Variants in SLC4A10 observed in about 807,000 individuals in gnomAD.
SLC4A10 encodes the protein solute carrier family 4 member 10, also known as sodium-driven chloride bicarbonate exchanger.
A neutral mutation model predicts 137.7 loss-of-function variants in SLC4A10; 42 were observed. That is an observed-to-expected ratio of 0.30 (90% CI 0.24 to 0.39). The LOEUF is 0.39. SLC4A10 is among the 10% of genes least tolerant of loss of function. SLC4A10 has a pLI of 1.00. For missense variants in SLC4A10, 925 were observed against 1,355.0 expected (o/e 0.68, Z 4.98); for synonymous variants, 474 against 464.1 (o/e 1.02, Z -0.27).
chr2:161,752,243 AC>A (rs1349990574), intron 1 of SLC4A10, among the ~76,000 whole-genome samples: 2 of 152,032 alleles, frequency 1.3e-5, no homozygotes, highest in East Asian at 3.9e-4. Flanking sequence ...TCCAGTAAGG[AC>A]CTATTTTACT....
At chr2:161,757,771 A>C (rs556577638) in intron 1 of SLC4A10, among the ~76,000 whole-genome samples, 1 of 152,290 alleles carries the variant, frequency 6.6e-6, no homozygotes, top group East Asian at 1.9e-4. Context: ...TGCTAACTAC[A>C]AATTAGTTTT....
intron 1 of SLC4A10, among the ~76,000 whole-genome samples, chr2:161,638,986 G>T (rs895277530): frequency 6.6e-6 from 1 of 151,746 alleles, no homozygotes; most frequent in Non-Finnish European, 1.5e-5. Context: ...GAAACACAAA[G>T]GATCATTATC....
At chr2:161,928,110 T>G (rs1053031821) in intron 15 of SLC4A10, among the ~76,000 whole-genome samples, 5 of 150,412 alleles carry the variant, frequency 3.3e-5, no homozygotes, top group Admixed American at 2.7e-4. Context: ...TAGCAAAGAC[T>G]TGGAACCAAC....
intron 1 of SLC4A10, among the ~76,000 whole-genome samples, chr2:161,739,337 A>G (rs976346042): frequency 5.3e-5 from 8 of 152,124 alleles, no homozygotes; most frequent in Admixed American, 6.6e-5. Flanking sequence ...CTAGTCTTTC[A>G]TGCTTTTATC....
intron 2 of SLC4A10, among the ~76,000 whole-genome samples, chr2:161,800,729 A>G (rs147700494): frequency 6.6e-6 from 1 of 152,192 alleles, no homozygotes; most frequent in Non-Finnish European, 1.5e-5. Flanking sequence ...TTAGTGGATA[A>G]CAGCAACCAT....
At chr2:161,962,626 C>T (rs1218201706) in intron 21 of SLC4A10, among the ~76,000 whole-genome samples, 2 of 151,974 alleles carry the variant, frequency 1.3e-5, no homozygotes, top group Non-Finnish European at 2.9e-5. Context: ...TAGTAGCCTG[C>T]ATAGAATGTT....
At chr2:161,643,399 T>C (rs1410021531) in intron 1 of SLC4A10, among the ~76,000 whole-genome samples, 1 of 152,112 alleles carries the variant, frequency 6.6e-6, no homozygotes, top group African/African-American at 2.4e-5. Context: ...AATAAATTAA[T>C]TTGAATTTTG....
intron 1 of SLC4A10, among the ~76,000 whole-genome samples, chr2:161,769,184 A>G (rs1015585102): frequency 2.0e-4 from 30 of 151,996 alleles, no homozygotes; most frequent in African/African-American, 6.5e-4. Context: ...TTGAGTGACG[A>G]CATTACATCT....
intron 1 of SLC4A10, among the ~76,000 whole-genome samples, chr2:161,687,823 C>A (rs1028121022): frequency 6.6e-6 from 1 of 152,176 alleles, no homozygotes; most frequent in Non-Finnish European, 1.5e-5. Context: ...GGCACTCATT[C>A]TCTCTCCTGC....
At chr2:161,957,389 C>T (rs1695849436) in intron 20 of SLC4A10, 149 bp downstream of exon 20, 2 of 1,017,896 alleles carry the variant, frequency 2.0e-6, no homozygotes, top group Admixed American at 2.9e-5. Context: ...TATAATTCTT[C>T]ATAACCTAAG....
At chr2:161,770,685 ATAAC>A (rs1333710944) in intron 1 of SLC4A10, among the ~76,000 whole-genome samples, 1 of 151,958 alleles carries the variant, frequency 6.6e-6, no homozygotes, top group Non-Finnish European at 1.5e-5. Context: ...AATTGATAGA[ATAAC>A]TATTTTTTTT....
intron 3 of SLC4A10, among the ~76,000 whole-genome samples, chr2:161,822,987 G>T (rs188631924): frequency 1.2e-4 from 18 of 151,608 alleles, no homozygotes. Context: ...AAAATTATGT[G>T]TATATATATA....
chr2:161,964,013 C>A, intron 21 of SLC4A10, 122 bp from the exon 22 acceptor site: 1 of 687,176 alleles, frequency 1.5e-6, no homozygotes, highest in Middle Eastern at 3.0e-4. Flanking sequence ...GCCGAGATAT[C>A]AACTTAGTGT....
chr2:161,785,400 C>CCAGT (rs35829819), intron 2 of SLC4A10, among the ~76,000 whole-genome samples: 1 of 151,178 alleles, frequency 6.6e-6, no homozygotes, highest in African/African-American at 2.4e-5. Flanking sequence ...GATACCAAAG[C>CCAGT]CAAAGACACT....
intron 1 of SLC4A10, among the ~76,000 whole-genome samples, chr2:161,688,667 C>G (rs2124897869): frequency 6.6e-6 from 1 of 152,096 alleles, no homozygotes; most frequent in East Asian, 1.9e-4. Flanking sequence ...GCCTTTATGT[C>G]CTTTCTTTAG....
intron 1 of SLC4A10, among the ~76,000 whole-genome samples, chr2:161,662,937 T>G (rs1266177087): frequency 6.6e-6 from 1 of 152,220 alleles, no homozygotes; most frequent in Non-Finnish European, 1.5e-5. Flanking sequence ...CATTTGTCTT[T>G]AACTTCCAGT....
intron 1 of SLC4A10, among the ~76,000 whole-genome samples, chr2:161,690,768 AAC>A (rs1400045455): frequency 6.6e-6 from 1 of 152,088 alleles, no homozygotes; most frequent in Non-Finnish European, 1.5e-5. Context: ...GGAGGGGAAC[AAC>A]ACACACTGGG....
chr2:161,825,515 G>C (rs1489293684), intron 3 of SLC4A10, among the ~76,000 whole-genome samples: 1 of 152,138 alleles, frequency 6.6e-6, no homozygotes, highest in Non-Finnish European at 1.5e-5. Context: ...TATAATGATA[G>C]AGTCTCTCTG....
intron 2 of SLC4A10, among the ~76,000 whole-genome samples, chr2:161,791,799 T>C (rs2054243093): frequency 6.6e-6 from 1 of 152,194 alleles, no homozygotes; most frequent in Non-Finnish European, 1.5e-5. Context: ...GAGAGGTAAC[T>C]GGGTAATTAT....
Sources: allele counts gnomAD v4.1 joint callset (sites outside exome capture counted in the v4.1 genomes callset), GRCh38; gene constraint gnomAD v4.1.1; transcripts MANE v1.5; gene names NCBI Gene and HGNC (gene_info 2026-07-23, HGNC 2026-07-21).